Variants in HLA-DOB observed in about 807,000 individuals in gnomAD.
The protein encoded by HLA-DOB is major histocompatibility complex, class II, DO beta, also known as HLA class II histocompatibility antigen, DO beta chain.
A neutral mutation model predicts 27.7 loss-of-function variants in HLA-DOB; 25 were observed. That is an observed-to-expected ratio of 0.90 (90% CI 0.66 to 1.26). HLA-DOB has a LOEUF of 1.26. Among genes scored for constraint, HLA-DOB ranks in the 50% most tolerant of loss-of-function variants. The pLI is 0.00. For synonymous variants in HLA-DOB, 137 were observed against 125.6 expected (o/e 1.09, Z -0.61); for missense variants, 306 against 324.9 (o/e 0.94, Z 0.45).
At position 32,813,837 on chromosome 6, in the gene HLA-DOB, T is replaced by C. The variant is rs1452198963; in HGVS notation, c.644-4A>G. 2.0e-6 allele frequency: 3 copies of C among 1,520,444 alleles called. No homozygotes were observed. The highest frequency in any genetic ancestry group is 2.0e-5 in the Admixed American group (1 of 51,142). 94.2% of individuals were successfully genotyped at this position (1,520,444 alleles called of 1,614,324 possible). On this transcript the variant is annotated splice_polypyrimidine_tract_variant and splice_region_variant and intron_variant, in intron 3 of 5. Transcript: ENST00000438763. ...CAAGAATATTCAGACTGAGCTCCTA[T>C]GGGAAACAGGTCTTTAAATTAGTAA...
chr6:32,814,675 T>C (rs1767943948), intron 2 of HLA-DOB, 74 bp from the exon 3 acceptor site: 3 of 1,309,210 alleles, frequency 2.3e-6, no homozygotes, highest in African/African-American at 1.5e-5. Flanking sequence ...TTAGGGACTA[T>C]CACTATGTCT....
At chr6:32,813,550 G>A (rs752054829) in intron 4 of HLA-DOB, 79 bp from the exon 5 acceptor site, 6 of 1,497,504 alleles carry the variant, frequency 4.0e-6, no homozygotes, top group Non-Finnish European at 5.6e-6. Context: ...ACAAATGGCT[G>A]GCAAGGTCAG....
chr6:32,816,593 G>A (rs1383234490), intron 1 of HLA-DOB, among the ~76,000 whole-genome samples: 4 of 152,154 alleles, frequency 2.6e-5, no homozygotes, highest in Non-Finnish European at 5.9e-5. Flanking sequence ...CACTGACTGA[G>A]GTTGATACAC....
At chr6:32,815,434 G>A (rs1767978945) in intron 1 of HLA-DOB, 121 bp from the exon 2 acceptor site, 1 of 933,946 alleles carries the variant, frequency 1.1e-6, no homozygotes, top group Non-Finnish European at 1.7e-6. Context: ...TGCTCAAAAA[G>A]CACAGTGTCA....
At chr6:32,814,026 C>A (rs1019316937) in intron 3 of HLA-DOB, 193 bp from the exon 4 acceptor site, 4 of 611,324 alleles carry the variant, frequency 6.5e-6, no homozygotes, top group Non-Finnish European at 1.1e-5. Flanking sequence ...TCTCACAGCC[C>A]ATAAGAATGC....
At chr6:32,816,045 A>C (rs1768006194) in intron 1 of HLA-DOB, among the ~76,000 whole-genome samples, 1 of 152,184 alleles carries the variant, frequency 6.6e-6, no homozygotes, top group Non-Finnish European at 1.5e-5. Context: ...ATCATCATTT[A>C]ACATCTGTGC....
At chr6:32,814,964 G>C in intron 2 of HLA-DOB, 80 bp downstream of exon 2, 17 of 1,489,106 alleles carry the variant, frequency 1.1e-5, no homozygotes, top group Non-Finnish European at 1.6e-5. Context: ...GCAGAAAATT[G>C]CTTGTAAGAA....
Position 32,814,385 on chromosome 6 carries a change from A to G in HLA-DOB, c.578T>C (p.Leu193Pro). The G allele has an allele frequency of 1.2e-6, 2 of 1,613,016 alleles. No homozygotes were observed. Among genetic ancestry groups the G allele is most frequent in the Non-Finnish European group, 1.7e-6 (2 of 1,180,000 alleles). The part of the protein sequence containing the change: ...TVVMLEMTPE[L>P]GHVYTCLVDH... Reference sequence around the variant, plus strand: ...GACAAGGCAGGTGTAGACATGTCCAAGTTCAGGAGTCATTTCTAGCATCAC... The same window carrying G: ...GACAAGGCAGGTGTAGACATGTCCAGGTTCAGGAGTCATTTCTAGCATCAC... Residue 193 changes from leucine to proline, a missense_variant, in exon 3 of 6, where the codon CTT becomes CCT. By Grantham distance (98) the Leu-to-Pro change is moderately conservative. Coordinates refer to ENST00000438763, the MANE Select transcript of HLA-DOB (RefSeq NM_002120.4).
intron 3 of HLA-DOB, 78 bp from the exon 4 acceptor site, chr6:32,813,911 T>C (rs1372171314): frequency 1.1e-6 from 1 of 884,088 alleles, no homozygotes. Context: ...GAATCTGTAC[T>C]AGACACCAAA....
Position 32,814,370 on chromosome 6 carries a change from G to A in HLA-DOB, c.593C>T (p.Thr198Ile), listed in dbSNP as rs1767926803. 6.2e-7 allele frequency: 1 copy of A among 1,613,038 alleles called. No homozygotes were observed. ...EMTPELGHVY[T>I]CLVDHSSLLS... ...CAGGCTGGAGTGATCGACAAGGCAGGTGTAGACATGTCCAAGTTCAGGAGT... is the reference window on the plus strand; with the variant it reads ...CAGGCTGGAGTGATCGACAAGGCAGATGTAGACATGTCCAAGTTCAGGAGT... Residue 198 changes from threonine (T) to isoleucine (I), a missense_variant, in exon 3 of 6, where the codon ACC becomes ATC. Coordinates refer to ENST00000438763, the MANE Select transcript of HLA-DOB (RefSeq NM_002120.4).
At chr6:32,815,547 CATACTT>C (rs1173217875) in intron 1 of HLA-DOB, among the ~76,000 whole-genome samples, 4 of 152,328 alleles carry the variant, frequency 2.6e-5, no homozygotes, top group African/African-American at 7.2e-5. Context: ...AAGCCACTCT[CATACTT>C]AGAGACTTAC....
At chr6:32,813,510 AG>A (rs1562302033) in intron 4 of HLA-DOB, 39 bp from the exon 5 acceptor site, 1 of 1,606,616 alleles carries the variant, frequency 6.2e-7, no homozygotes, top group South Asian at 1.1e-5. Context: ...TGCCCCAATT[AG>A]GACCCAATAT....
In HLA-DOB at chr6:32,813,250, A is replaced by T; in HGVS notation, c.788T>A (p.Val263Asp). ...CTGAGGGAGCAGAACAGCTCTTGAG[A>T]CCTGGAGGCACAGTGATGAAGGTCT... ...YVRTQMSGNE[V>D]SRAVLLPQSC Residue 263 changes from valine (V) to aspartate (D), a missense_variant and splice_region_variant, in exon 6 of 6, where the codon GTC becomes GAC. Val to Asp is a radical substitution (Grantham distance 152). Transcript: ENST00000438763. The T allele has an allele frequency of 6.2e-7, 1 of 1,612,966 alleles. No homozygotes were observed. The highest frequency in any genetic ancestry group is 1.3e-5 in the African/African-American group (1 of 74,958).
In HLA-DOB at chr6:32,812,979, G is replaced by A; in HGVS notation, c.*237C>T. On this transcript the variant is annotated 3_prime_UTR_variant, in exon 6 of 6. Transcript: ENST00000438763. The stretch of plus-strand genomic sequence containing the variant: ...GGAGTAAGGTCTCAGGGGAGTTTCT[G>A]GACAATGCCCTTGGCAATGGGGATT... The A allele has an allele frequency of 3.4e-6, 2 of 588,328 alleles. No individual in the cohort carries two copies. The highest frequency in any genetic ancestry group is 6.1e-6 in the Non-Finnish European group (2 of 330,326). The allele number at this position is 588,328 out of a possible 1,614,324, so 36.4% of individuals were successfully genotyped here.
chr6:32,813,251 C>A lies in HLA-DOB; in HGVS notation c.787G>T (p.Val263Phe). ...TGAGGGAGCAGAACAGCTCTTGAGA[C>A]CTGGAGGCACAGTGATGAAGGTCTC... Reference protein sequence around the residue: ...YVRTQMSGNEVSRAVLLPQSC With the variant: ...YVRTQMSGNEFSRAVLLPQSC The change falls in exon 6 of 6, where the codon GTC becomes TTC. Residue 263 changes from valine to phenylalanine, a missense_variant and splice_region_variant. Coordinates refer to ENST00000438763, the MANE Select transcript of HLA-DOB (RefSeq NM_002120.4). The A allele has an allele frequency of 6.2e-7, 1 of 1,613,020 alleles. No individual in the cohort carries two copies. Among genetic ancestry groups the A allele is most frequent in the Non-Finnish European group, 8.5e-7 (1 of 1,179,982 alleles).
chr6:32,813,734 C>G lies in HLA-DOB; in HGVS notation c.743G>C (p.Arg248Thr), dbSNP rs1286425549. The change falls in exon 4 of 6, where the codon AGG (arginine) becomes ACG (threonine). Residue 248 changes from arginine (R) to threonine (T), a missense_variant. Physicochemically the swap from Arg to Thr is moderately conservative, Grantham distance 71. Transcript: ENST00000438763. ...FLLVGIVIQL[R>T]AQKGYVRTQM... ...CACAGGCTCATTACCTTTCTGAGCC[C>G]TTAGCTGGATGACGATTCCCACCAG... is the stretch of plus-strand genomic sequence containing the variant. The G allele has an allele frequency of 6.4e-7, 1 of 1,554,592 alleles. No homozygotes were observed. Among genetic ancestry groups the G allele is most frequent in the East Asian group, 2.4e-5 (1 of 41,928 alleles).
chr6:32,813,364 C>T, intron 5 of HLA-DOB, 76 bp downstream of exon 5: 1 of 1,585,270 alleles, frequency 6.3e-7, no homozygotes. Context: ...TCCTCCCTAC[C>T]CCCATGTCAT....
In HLA-DOB at chr6:32,815,126, G is replaced by T. The variant is rs781313228; in HGVS notation, c.279C>A (p.Leu93=). The change falls in exon 2 of 6, where the codon CTC becomes CTA. Residue 93 remains leucine (L), a synonymous_variant. Coordinates refer to ENST00000438763, the MANE Select transcript of HLA-DOB (RefSeq NM_002120.4). ...CCACGGCCTGTCTGCTCCTCTCCAA[G>T]AGATCCAGCCGGCTGTTCCACTGCT... ...DAEQWNSRLD[L]LERSRQAVDG... 3 of 1,614,198 alleles carry T rather than the reference G, an allele frequency of 1.9e-6. No individual in the cohort carries two copies. The African/African-American group carries it at 4.0e-5, about 22-fold the overall frequency.
chr6:32,816,878 T>C lies in HLA-DOB; in HGVS notation c.74A>G (p.Gln25Arg), dbSNP rs767290583. The change falls in exon 1 of 6, where the codon CAA becomes CGA. Residue 25 changes from glutamine (Q) to arginine (R), a missense_variant. Coordinates refer to ENST00000438763, the MANE Select transcript of HLA-DOB (RefSeq NM_002120.4). The stretch of plus-strand genomic sequence containing the variant: ...GTTCTTACCTGGAGAGTCTGTGCCT[T>C]GAGTCATGGAGGAATCCAGTCGGGT... ...NLTRLDSSMT[Q>R]GTDSPEDFVI... The C allele has an allele frequency of 1.2e-6, 2 of 1,612,846 alleles. No homozygotes were observed. Among genetic ancestry groups the C allele is most frequent in the Non-Finnish European group, 1.7e-6 (2 of 1,179,870 alleles).
Sources: gnomAD v4.1 joint callset for allele counts (sites outside exome capture counted in the v4.1 genomes callset) on GRCh38, gnomAD v4.1.1 for gene constraint, MANE v1.5 for transcripts, NCBI Gene and HGNC (gene_info 2026-07-23, HGNC 2026-07-21) for gene names.